The following PCDHGB3 variants were observed in gnomAD, a reference collection of about 807,000 sequenced individuals.
PCDHGB3 encodes protocadherin gamma subfamily B, 3.
Under a neutral mutation model 59.2 loss-of-function variants are expected in PCDHGB3, and 40 were observed. That is an observed-to-expected ratio of 0.68 (90% confidence interval 0.52 to 0.88). PCDHGB3 has a LOEUF of 0.88. Ranked by LOEUF, PCDHGB3 falls within the 40% of genes least tolerant of loss-of-function variation. The pLI, the probability that PCDHGB3 is intolerant of heterozygous loss-of-function variation, is 0.00. For synonymous variants in PCDHGB3, 581 were observed against 503.6 expected, an observed-to-expected ratio of 1.15 and a Z score of -2.06; for missense variants, 1,309 against 1,187.9, an observed-to-expected ratio of 1.10 and a Z score of -1.50.
chr5:141,462,781 G>A (rs893647456), intron 1 of PCDHGB3, among the ~76,000 whole-genome samples: 7 of 152,102 alleles, frequency 4.6e-5, no homozygotes, highest in African/African-American at 1.7e-4. Context: ...GTCATAATTT[G>A]TTGCTTATTT....
chr5:141,430,707 C>T, intron 1 of PCDHGB3: 2 of 1,478,562 alleles, frequency 1.4e-6, no homozygotes, highest in Non-Finnish European at 9.0e-7. Flanking sequence ...GGAACTGCTC[C>T]TGACTTCAGT....
In PCDHGB3 at chr5:141,389,747, G is replaced by C. The variant is rs766506538; in HGVS notation, c.2415+16938G>C. 6 of 1,612,724 alleles carry C rather than the reference G, an allele frequency of 3.7e-6. No individual in the cohort carries two copies. The South Asian group carries it at 4.4e-5, about 12-fold the overall frequency. ...GGCTCTTCAGCCTGGGGCTGCGCAC[G>C]GGCGAAGTGCGCACAGCGCGTGCCT... is the stretch of plus-strand genomic sequence containing the variant. On this transcript the variant is annotated intron_variant, in intron 1 of 3. Coordinates refer to ENST00000576222, the MANE Select transcript of PCDHGB3 (RefSeq NM_018924.5).
intron 1 of PCDHGB3, chr5:141,409,456 C>T: frequency 1.2e-6 from 2 of 1,613,974 alleles, no homozygotes; most frequent in Middle Eastern, 3.3e-4. Context: ...CACCAGAATA[C>T]AATGTCACCA....
rs755270981 is a variant in PCDHGB3, at chr5:141,408,462, AGAACC to A, written c.2415+35657_2415+35661del. On this transcript the variant is annotated intron_variant, in intron 1 of 3. Coordinates refer to ENST00000576222, the MANE Select transcript of PCDHGB3 (RefSeq NM_018924.5). Reference sequence around the variant, plus strand: ...GCGGAGAGCGGGGACTTACTTGTGAAGAACCGAATAGACCGTGAGCAAATATGCAA... The same window carrying A: ...GCGGAGAGCGGGGACTTACTTGTGAAGAATAGACCGTGAGCAAATATGCAA... 2.2e-5 allele frequency: 35 copies of A among 1,613,962 alleles called. No homozygotes were observed. The South Asian group carries it at 3.3e-4, about 15-fold the overall frequency.
intron 1 of PCDHGB3, chr5:141,398,010 G>T (rs10045443): frequency 0.24 from 331,899 of 1,407,782 alleles, 42,930 homozygotes; most frequent in African/African-American, 0.51. Flanking sequence ...AAAAAGAATC[G>T]TTTCCTAAAC....
At chr5:141,398,356 G>A (rs1242233046) in intron 1 of PCDHGB3, 2 of 1,409,378 alleles carry the variant, frequency 1.4e-6, no homozygotes, top group South Asian at 1.2e-5. Context: ...TTACTTCACC[G>A]TGAGCGCAGA....
intron 2 of PCDHGB3, among the ~76,000 whole-genome samples, chr5:141,500,212 ATT>A (rs1336187706): frequency 5.4e-5 from 8 of 148,798 alleles, no homozygotes; most frequent in African/African-American, 2.0e-4. Context: ...TTATTTATTT[ATT>A]TATTTATTTA....
intron 1 of PCDHGB3, chr5:141,422,741 A>G (rs1319821802): frequency 6.2e-7 from 1 of 1,610,084 alleles, no homozygotes; most frequent in Non-Finnish European, 8.5e-7. Flanking sequence ...CTGTCCTCCT[A>G]TGTCTCTATT....
chr5:141,419,765 G>A, intron 1 of PCDHGB3: 1 of 1,614,016 alleles, frequency 6.2e-7, no homozygotes, highest in Non-Finnish European at 8.5e-7. Context: ...GGGTGACAAG[G>A]ACTCGGTCCG....
intron 1 of PCDHGB3, among the ~76,000 whole-genome samples, chr5:141,468,047 G>A (rs901583535): frequency 2.0e-5 from 3 of 152,050 alleles, no homozygotes; most frequent in Non-Finnish European, 2.9e-5. Context: ...AAACTAAGCC[G>A]GGCACAGTGG....
chr5:141,468,832 C>G (rs530307522), intron 1 of PCDHGB3, among the ~76,000 whole-genome samples: 1 of 152,164 alleles, frequency 6.6e-6, no homozygotes, highest in South Asian at 2.1e-4. Flanking sequence ...AGCCACTGCA[C>G]TCCAGCCTGG....
rs766050828 is a variant in PCDHGB3, at chr5:141,394,215, G to A, written c.2415+21406G>A. The A allele has an allele frequency of 1.9e-6, 3 of 1,613,902 alleles. No individual in the cohort carries two copies. The South Asian group carries it at 3.3e-5, about 18-fold the overall frequency. ...GTATATCCTAGAGAACAACCTGAGA[G>A]GAGCCTCCATCTTTTCCTTGACTGC... is the stretch of plus-strand genomic sequence containing the variant. On this transcript the variant is annotated intron_variant, in intron 1 of 3. Transcript: ENST00000576222.
Position 141,397,579 on chromosome 5 carries a change from A to G in PCDHGB3, c.2415+24770A>G, listed in dbSNP as rs73279085. Among the ~76,000 whole-genome samples, 1,264 of 152,334 alleles carry G rather than the reference A, an allele frequency of 8.3e-3. 17 individuals are homozygous for G. Among genetic ancestry groups the G allele is most frequent in the African/African-American group, 0.029 (1,200 of 41,570 alleles). On this transcript the variant is annotated intron_variant, in intron 1 of 3. Coordinates refer to ENST00000576222, the MANE Select transcript of PCDHGB3 (RefSeq NM_018924.5). ...AGGCTCTGAGAGCAAGAACTGTATCATATTAATTATTATATTGCCAGTGAC... is the reference window on the plus strand; with the variant it reads ...AGGCTCTGAGAGCAAGAACTGTATCGTATTAATTATTATATTGCCAGTGAC...
At position 141,383,329 on chromosome 5, in the gene PCDHGB3, G is replaced by A. The variant is rs143729030; in HGVS notation, c.2415+10520G>A. 347 of 1,613,980 alleles carry A rather than the reference G, an allele frequency of 2.1e-4. 3 individuals are homozygous for A. The East Asian group carries it at 5.6e-3, about 26-fold the overall frequency. On this transcript the variant is annotated intron_variant, in intron 1 of 3. Transcript: ENST00000576222. ...GGAAGAAATAAATGTAAAAATAATG[G>A]AGAATACAGCTCCTGGGGTTCGGTT...
intron 1 of PCDHGB3, among the ~76,000 whole-genome samples, chr5:141,467,116 A>T (rs981562543): frequency 2.0e-5 from 3 of 150,560 alleles, no homozygotes; most frequent in Non-Finnish European, 4.4e-5. Flanking sequence ...ACAATGGTGC[A>T]ATCTCAGCTC....
chr5:141,397,450 A>G (rs1434264337), intron 1 of PCDHGB3, among the ~76,000 whole-genome samples: 1 of 152,258 alleles, frequency 6.6e-6, no homozygotes, highest in Admixed American at 6.5e-5. Context: ...AATATAAAAC[A>G]CTAGAAATAT....
chr5:141,492,316 G>C (rs1283387204), intron 1 of PCDHGB3, among the ~76,000 whole-genome samples: 1 of 152,190 alleles, frequency 6.6e-6, no homozygotes. Context: ...CGCACTCCTC[G>C]CACGTGGGCT....
At chr5:141,447,371 C>G (rs1180989888) in intron 1 of PCDHGB3, among the ~76,000 whole-genome samples, 1 of 151,826 alleles carries the variant, frequency 6.6e-6, no homozygotes, top group African/African-American at 2.4e-5. Context: ...ACTCCTGACC[C>G]TGGTGATCTG....
intron 1 of PCDHGB3, chr5:141,418,639 C>T (rs2096276711): frequency 6.2e-7 from 1 of 1,614,014 alleles, no homozygotes; most frequent in Non-Finnish European, 8.5e-7. Flanking sequence ...CAGGCACCTC[C>T]ATCCTGAGAG....
Sources: gnomAD v4.1 joint callset for allele counts (sites outside exome capture counted in the v4.1 genomes callset) on GRCh38, gnomAD v4.1.1 for gene constraint, MANE v1.5 for transcripts, NCBI Gene and HGNC (gene_info 2026-07-23, HGNC 2026-07-21) for gene names.